The following KHDRBS2 variants were observed in gnomAD, a reference collection of about 807,000 sequenced individuals.
The protein encoded by KHDRBS2 is KH domain-containing, RNA-binding, signal transduction-associated protein 2.
Under a neutral mutation model 44.3 loss-of-function variants are expected in KHDRBS2, and 26 were observed. That is an observed-to-expected ratio of 0.59 (90% CI 0.43 to 0.81). The LOEUF (loss-of-function observed/expected upper bound fraction) is 0.81, where lower values mean the gene tolerates loss of function less well. Ranked by LOEUF, KHDRBS2 falls within the 40% of genes least tolerant of loss-of-function variation. The pLI, the probability that KHDRBS2 is intolerant of heterozygous loss-of-function variation, is 0.00. For synonymous variants in KHDRBS2, 194 were observed against 151.1 expected, an observed-to-expected ratio of 1.28 and a Z score of -2.08; for missense variants, 476 against 433.1, an observed-to-expected ratio of 1.10 and a Z score of -0.88.
intron 1 of KHDRBS2, among the ~76,000 whole-genome samples, chr6:62,244,931 G>C (rs1484570295): frequency 6.6e-6 from 1 of 152,008 alleles, no homozygotes; most frequent in African/African-American, 2.4e-5. Context: ...GTGGTACCCT[G>C]GGCCACGCAG....
chr6:61,704,414 T>A (rs11964036), intron 7 of KHDRBS2, among the ~76,000 whole-genome samples: 4,266 of 151,896 alleles, frequency 0.028, 220 homozygotes, highest in African/African-American at 0.099. Context: ...ATTTCCTGGG[T>A]AAGATGGAAT....
chr6:62,055,739 C>T (rs192227109), intron 2 of KHDRBS2, among the ~76,000 whole-genome samples: 57 of 152,098 alleles, frequency 3.7e-4, no homozygotes, highest in African/African-American at 1.2e-3. Flanking sequence ...TCCCTTTCCA[C>T]GTAGGTTCAC....
chr6:62,038,918 A>G (rs1395234541), intron 3 of KHDRBS2, among the ~76,000 whole-genome samples: 1 of 152,074 alleles, frequency 6.6e-6, no homozygotes, highest in Non-Finnish European at 1.5e-5. Context: ...TGACATTAAA[A>G]TTACCCATTA....
At chr6:61,619,755 AT>A in the KHDRBS2 span, among the ~76,000 whole-genome samples, 8 of 149,076 alleles carry the variant, frequency 5.4e-5, no homozygotes, top group African/African-American at 1.5e-4. Context: ...CGTCTGGCCT[AT>A]TTTTTTTTAA....
rs185057188 is a variant in KHDRBS2, at chr6:61,770,883, G to A, written c.811-38119C>T. The stretch of plus-strand genomic sequence containing the variant: ...AAGAGCAACTCCAAGACACATAATT[G>A]TCAGGTTCACGAAAGTTGAAATGAA... On this transcript the variant is annotated intron_variant, in intron 6 of 8. Coordinates refer to ENST00000281156, the MANE Select transcript of KHDRBS2 (RefSeq NM_152688.4). 6.6e-5 allele frequency among the ~76,000 whole-genome samples: 10 copies of A among 152,256 alleles called. No homozygotes were observed. The South Asian group carries it at 1.0e-3, about 16-fold the overall frequency.
At chr6:62,112,827 TG>T (rs763708012) in intron 2 of KHDRBS2, among the ~76,000 whole-genome samples, 1 of 152,064 alleles carries the variant, frequency 6.6e-6, no homozygotes, top group Non-Finnish European at 1.5e-5. Context: ...ACAGAGCAAT[TG>T]GTGCATCAAA....
intron 1 of KHDRBS2, among the ~76,000 whole-genome samples, chr6:62,180,925 G>A (rs1822134332): frequency 6.6e-6 from 1 of 150,718 alleles, no homozygotes; most frequent in Non-Finnish European, 1.5e-5. Context: ...CAGGTGCCAA[G>A]AATGTACAAG....
the KHDRBS2 span, among the ~76,000 whole-genome samples, chr6:61,552,254 G>A: frequency 3.3e-5 from 5 of 150,630 alleles, no homozygotes; most frequent in East Asian, 1.0e-3. Context: ...GTATTCCTTG[G>A]TGTTATTCTT....
intron 7 of KHDRBS2, among the ~76,000 whole-genome samples, chr6:61,719,733 T>A (rs944419099): frequency 2.0e-5 from 3 of 152,090 alleles, no homozygotes; most frequent in Non-Finnish European, 4.4e-5. Context: ...GTCATTAATG[T>A]CATTCAGTTA....
At chr6:61,761,536 G>A (rs1779271892) in intron 6 of KHDRBS2, among the ~76,000 whole-genome samples, 1 of 151,982 alleles carries the variant, frequency 6.6e-6, no homozygotes, top group Non-Finnish European at 1.5e-5. Flanking sequence ...ATTGCATTAA[G>A]GTATCTGGTA....
intron 1 of KHDRBS2, among the ~76,000 whole-genome samples, chr6:62,246,776 G>A (rs980017329): frequency 6.6e-5 from 10 of 151,872 alleles, no homozygotes; most frequent in African/African-American, 2.4e-4. Flanking sequence ...TTACTCAGCT[G>A]TGAGTAATGA....
At chr6:61,652,963 A>C in the KHDRBS2 span, among the ~76,000 whole-genome samples, 2 of 152,134 alleles carry the variant, frequency 1.3e-5, no homozygotes, top group Non-Finnish European at 2.9e-5. Flanking sequence ...TAGAATAAAC[A>C]GATGCATGAG....
intron 2 of KHDRBS2, among the ~76,000 whole-genome samples, chr6:62,128,358 G>T (rs1809455373): frequency 6.6e-6 from 1 of 152,130 alleles, no homozygotes; most frequent in African/African-American, 2.4e-5. Flanking sequence ...GGCCATGCAG[G>T]TGGTGAAAAG....
intron 3 of KHDRBS2, among the ~76,000 whole-genome samples, chr6:62,023,993 T>C (rs1439163670): frequency 6.6e-6 from 1 of 151,268 alleles, no homozygotes; most frequent in African/African-American, 2.4e-5. Context: ...TCTAAGATTT[T>C]TGACCAAGAG....
chr6:62,226,392 TC>T (rs1831830310), intron 1 of KHDRBS2, among the ~76,000 whole-genome samples: 2 of 152,242 alleles, frequency 1.3e-5, no homozygotes, highest in Non-Finnish European at 2.9e-5. Flanking sequence ...GTTGTTTTTT[TC>T]TTGTAAATTT....
At chr6:61,542,685 G>T in the KHDRBS2 span, among the ~76,000 whole-genome samples, 1 of 151,978 alleles carries the variant, frequency 6.6e-6, no homozygotes, top group Non-Finnish European at 1.5e-5. Context: ...CTTATTTCAA[G>T]ATCTCAAATC....
intron 3 of KHDRBS2, among the ~76,000 whole-genome samples, chr6:62,032,816 T>C (rs1419666203): frequency 1.3e-5 from 2 of 151,756 alleles, no homozygotes; most frequent in African/African-American, 2.4e-5. Flanking sequence ...CCAAAGAATA[T>C]CTACTATCAT....
intron 6 of KHDRBS2, among the ~76,000 whole-genome samples, chr6:61,824,348 A>G (rs1247626776): frequency 6.6e-6 from 1 of 151,982 alleles, no homozygotes; most frequent in Non-Finnish European, 1.5e-5. Context: ...GTTGTTTGAA[A>G]GCGTGTAGCA....
intron 4 of KHDRBS2, among the ~76,000 whole-genome samples, chr6:61,954,953 T>TATATGTATATATACACATAC (rs1766153416): frequency 8.5e-5 from 12 of 141,528 alleles, no homozygotes; most frequent in Admixed American, 6.3e-4. Flanking sequence ...TGTATACATA[T>TATATGTATATATACACATAC]ATATGTATAT....
Sources: allele counts gnomAD v4.1 joint callset (sites outside exome capture counted in the v4.1 genomes callset), GRCh38; gene constraint gnomAD v4.1.1; transcripts MANE v1.5; gene names NCBI Gene and HGNC (gene_info 2026-07-23, HGNC 2026-07-21).